Variants in MAML2 observed in about 807,000 individuals in gnomAD.
MAML2 encodes mastermind like transcriptional coactivator 2.
In MAML2, 22 loss-of-function variants were observed where a neutral mutation model predicts 96.1. The observed-to-expected ratio is 0.23, with a 90% confidence interval of 0.16 to 0.33. The LOEUF (loss-of-function observed/expected upper bound fraction) is 0.33, where lower values mean the gene tolerates loss of function less well. Ranked by LOEUF, MAML2 falls within the 10% of genes least tolerant of loss-of-function variation. The pLI, the probability that MAML2 is intolerant of heterozygous loss-of-function variation, is 1.00. For missense variants in MAML2, 1,367 were observed against 1,392.4 expected (o/e 0.98, Z 0.29); for synonymous variants, 561 against 521.3 (o/e 1.08, Z -1.04).
chr11:96,335,929 C>A (rs1299122457), intron 1 of MAML2, among the ~76,000 whole-genome samples: 1 of 152,118 alleles, frequency 6.6e-6, no homozygotes, highest in Non-Finnish European at 1.5e-5. Flanking sequence ...CTTCTCAGGC[C>A]CTGCTGGTGA....
intron 1 of MAML2, among the ~76,000 whole-genome samples, chr11:96,320,945 A>G (rs1202309464): frequency 1.3e-5 from 2 of 152,186 alleles, no homozygotes; most frequent in East Asian, 3.8e-4. Flanking sequence ...ATGCTGGCCA[A>G]TTTCAGGGCT....
intron 2 of MAML2, among the ~76,000 whole-genome samples, chr11:96,079,298 T>A (rs986821760): frequency 6.6e-6 from 1 of 152,186 alleles, no homozygotes; most frequent in Admixed American, 6.5e-5. Context: ...CATACACATG[T>A]ATATTACACA....
chr11:96,167,424 C>T (rs2004736), intron 1 of MAML2, among the ~76,000 whole-genome samples: 122,022 of 152,040 alleles, frequency 0.8, 49,346 homozygotes, highest in Middle Eastern at 0.89. Flanking sequence ...GTCTTCCCAT[C>T]AGAGAAATCT....
At chr11:96,190,815 C>G (rs1243212434) in intron 1 of MAML2, among the ~76,000 whole-genome samples, 1 of 152,072 alleles carries the variant, frequency 6.6e-6, no homozygotes, top group African/African-American at 2.4e-5. Flanking sequence ...TAATGTAACT[C>G]AAGTTATCAA....
At chr11:96,045,902 G>GT (rs60206394) in intron 2 of MAML2, among the ~76,000 whole-genome samples, 32,071 of 135,918 alleles carry the variant, frequency 0.24, 3,737 homozygotes, top group Non-Finnish European at 0.26. Flanking sequence ...GCACACTTCT[G>GT]TTTTTTTTTT....
In MAML2 at chr11:96,071,888, T is replaced by C. The variant is rs980389978; in HGVS notation, c.2139+20004A>G. Reference sequence around the variant, plus strand: ...GGCCATTTTGAAGATTGGCTGTCTTTGTAGAAAAATCACCCCTTAAGGCAG... The same window carrying C: ...GGCCATTTTGAAGATTGGCTGTCTTCGTAGAAAAATCACCCCTTAAGGCAG... On this transcript the variant is annotated intron_variant, in intron 2 of 4. Transcript: ENST00000524717. Among the ~76,000 whole-genome samples the C allele has an allele frequency of 2.0e-5, 3 of 152,216 alleles. No individual in the cohort carries two copies. The East Asian group carries it at 5.8e-4, about 29-fold the overall frequency.
intron 2 of MAML2, among the ~76,000 whole-genome samples, chr11:96,020,003 C>A (rs1279513530): frequency 1.3e-5 from 2 of 152,266 alleles, no homozygotes; most frequent in East Asian, 3.9e-4. Flanking sequence ...TTTAAAGAGG[C>A]TGCGAAGCAC....
At chr11:96,235,947 C>T (rs139301732) in intron 1 of MAML2, among the ~76,000 whole-genome samples, 1 of 152,200 alleles carries the variant, frequency 6.6e-6, no homozygotes, top group Non-Finnish European at 1.5e-5. Flanking sequence ...ACTGCACCCC[C>T]TTCCCAAGAA....
At position 96,007,857 on chromosome 11, in the gene MAML2, C is replaced by T. The variant is rs1288734246; in HGVS notation, c.2140-16134G>A. ...CACATGGTCACAGGAAGGGGAATATCACACTCTGGGGACTGTGGTGGGGTG... is the reference window on the plus strand; with the variant it reads ...CACATGGTCACAGGAAGGGGAATATTACACTCTGGGGACTGTGGTGGGGTG... On this transcript the variant is annotated intron_variant, in intron 2 of 4. Coordinates refer to ENST00000524717, the MANE Select transcript of MAML2 (RefSeq NM_032427.4). Among the ~76,000 whole-genome samples, 65 of 128,756 alleles carry T rather than the reference C, an allele frequency of 5.0e-4. No homozygotes were observed. In the East Asian group the frequency reaches 9.4e-3, roughly 19 times the overall value. 84.5% of individuals were successfully genotyped at this position (128,756 alleles called of 152,430 possible). A position where few individuals can be genotyped will look rare whatever the true frequency, so the allele number is the denominator to read the frequency against.
At chr11:96,128,950 C>T (rs79612673) in intron 1 of MAML2, among the ~76,000 whole-genome samples, 2 of 152,226 alleles carry the variant, frequency 1.3e-5, no homozygotes, top group South Asian at 2.1e-4. Flanking sequence ...ATGGCTCAGG[C>T]TGAAATTTTA....
At chr11:95,994,802 G>T (rs757285018) in intron 2 of MAML2, among the ~76,000 whole-genome samples, 1 of 152,168 alleles carries the variant, frequency 6.6e-6, no homozygotes, top group East Asian at 1.9e-4. Flanking sequence ...TAGCTGACAA[G>T]CATAGGTAGA....
At chr11:96,323,967 C>T (rs1223543775) in intron 1 of MAML2, among the ~76,000 whole-genome samples, 1 of 152,246 alleles carries the variant, frequency 6.6e-6, no homozygotes, top group Non-Finnish European at 1.5e-5. Flanking sequence ...GCAACAGTCT[C>T]AAAGAGTAAT....
intron 1 of MAML2, among the ~76,000 whole-genome samples, chr11:96,114,128 A>G (rs960793060): frequency 3.9e-5 from 6 of 152,044 alleles, no homozygotes; most frequent in South Asian, 4.1e-4. Flanking sequence ...TACATTGCCT[A>G]GGCTGGTCTT....
intron 1 of MAML2, among the ~76,000 whole-genome samples, chr11:96,173,228 C>T (rs1203184247): frequency 6.6e-6 from 1 of 152,124 alleles, no homozygotes; most frequent in Non-Finnish European, 1.5e-5. Flanking sequence ...GTTTCACCAC[C>T]AAAGGAAGAG....
chr11:96,140,971 T>A (rs1300907155), intron 1 of MAML2, among the ~76,000 whole-genome samples: 1 of 152,200 alleles, frequency 6.6e-6, no homozygotes, highest in African/African-American at 2.4e-5. Context: ...AGTAAACATA[T>A]AGGATGCCTA....
intron 1 of MAML2, among the ~76,000 whole-genome samples, chr11:96,212,990 A>G (rs1469928685): frequency 6.6e-6 from 1 of 152,190 alleles, no homozygotes; most frequent in Admixed American, 6.5e-5. Context: ...AATGGGTAAC[A>G]TAAACTCTAT....
chr11:96,198,635 AACAG>A (rs1469048561), intron 1 of MAML2, among the ~76,000 whole-genome samples: 5 of 152,320 alleles, frequency 3.3e-5, no homozygotes, highest in African/African-American at 4.8e-5. Flanking sequence ...GTATTCTGTG[AACAG>A]ACAGAGTAGA....
chr11:96,121,212 G>T (rs1335543017), intron 1 of MAML2, among the ~76,000 whole-genome samples: 1 of 152,158 alleles, frequency 6.6e-6, no homozygotes, highest in African/African-American at 2.4e-5. Flanking sequence ...CTTTGGCCCT[G>T]GGAGACGCTG....
rs748451751 is a variant in MAML2, at chr11:95,979,472, C to G, written c.2947G>C (p.Gly983Arg). 98 of 1,613,458 alleles carry G rather than the reference C, an allele frequency of 6.1e-5. No individual in the cohort carries two copies. The highest frequency in any genetic ancestry group is 7.5e-5 in the Non-Finnish European group (89 of 1,179,748). Residue 983 changes from glycine (G) to arginine (R), a missense_variant, in exon 5 of 5, where the codon GGA becomes CGA. By Grantham distance (125) the Gly-to-Arg change is moderately radical (BLOSUM62 -2). Coordinates refer to ENST00000524717, the MANE Select transcript of MAML2 (RefSeq NM_032427.4). ...SKQQEALTSA[G>R]VRFPTGTPAA... The stretch of plus-strand genomic sequence containing the variant: ...GGTGTACCTGTGGGGAAGCGGACTC[C>G]TGCAGACGTCAGGGCTTCTTGCTGT...
Sources: allele counts gnomAD v4.1 joint callset (sites outside exome capture counted in the v4.1 genomes callset), GRCh38; gene constraint gnomAD v4.1.1; transcripts MANE v1.5; gene names NCBI Gene and HGNC (gene_info 2026-07-23, HGNC 2026-07-21).